The following UPP2 variants were observed in gnomAD, a reference collection of about 807,000 sequenced individuals.
The protein encoded by UPP2 is UPase 2.
A neutral mutation model predicts 26.7 loss-of-function variants in UPP2; 23 were observed. That is an observed-to-expected ratio of 0.86 (90% CI 0.62 to 1.22). The LOEUF (loss-of-function observed/expected upper bound fraction) is 1.22, where lower values mean the gene tolerates loss of function less well. Among genes scored for constraint, UPP2 ranks in the 50% most tolerant of loss-of-function variants. The probability of loss-of-function intolerance (pLI) is 0.00; values close to 1 mark genes in which losing one functional copy is unlikely to be tolerated. For synonymous variants in UPP2, 127 were observed against 141.3 expected (o/e 0.90, Z 0.72); for missense variants, 387 against 396.7 (o/e 0.98, Z 0.21).
intron 2 of UPP2, among the ~76,000 whole-genome samples, chr2:158,108,634 T>G (rs935974826): frequency 1.3e-5 from 2 of 151,622 alleles, no homozygotes; most frequent in Admixed American, 1.3e-4. Context: ...CACACACACA[T>G]AGTTGTCTCA....
chr2:158,112,849 G>A (rs1683348373), intron 2 of UPP2, among the ~76,000 whole-genome samples: 1 of 152,072 alleles, frequency 6.6e-6, no homozygotes, highest in African/African-American at 2.4e-5. Flanking sequence ...TTTTTTTCTG[G>A]CAATCATTAG....
At position 158,106,115 on chromosome 2, in the gene UPP2, G is replaced by T; in HGVS notation, c.79G>T (p.Val27Phe). The T allele has an allele frequency of 2.5e-6, 4 of 1,594,726 alleles. No individual in the cohort carries two copies. Among genetic ancestry groups the T allele is most frequent in the African/African-American group, 1.4e-5 (1 of 73,804 alleles). The change falls in exon 2 of 7, where the codon GTT becomes TTT. Residue 27 changes from valine to phenylalanine, a missense_variant. By Grantham distance (50) the Val-to-Phe change is conservative. Transcript: ENST00000005756. ...NTYVGKRFVH[V>F]KNPYLDLMDE... ...TTTTTCCAGAAAAAGGTTTGTTCAC[G>T]TTAAAAATCCTTACTTGGATTTGAT...
At chr2:158,088,623 A>C (rs1398428726) in intron 3 of UPP2, among the ~76,000 whole-genome samples, 1 of 152,192 alleles carries the variant, frequency 6.6e-6, no homozygotes, top group Non-Finnish European at 1.5e-5. Context: ...GTCAGAGGGA[A>C]GATCTTGGGC....
intron 3 of UPP2, among the ~76,000 whole-genome samples, chr2:158,062,591 G>T (rs865887604): frequency 6.6e-6 from 1 of 152,252 alleles, no homozygotes; most frequent in Middle Eastern, 3.4e-3. Flanking sequence ...CTACCCCAAT[G>T]TTTGACCCAA....
intron 2 of UPP2, among the ~76,000 whole-genome samples, chr2:158,110,960 C>T (rs1319649556): frequency 6.6e-6 from 1 of 152,150 alleles, no homozygotes; most frequent in African/African-American, 2.4e-5. Context: ...CTGAGGTTGC[C>T]TGTTCACTCT....
chr2:158,004,739 G>T (rs1242776460), intron 2 of UPP2, among the ~76,000 whole-genome samples: 1 of 152,098 alleles, frequency 6.6e-6, no homozygotes, highest in Non-Finnish European at 1.5e-5. Flanking sequence ...ATGCAATTTG[G>T]TAACTTTTTT....
intron 3 of UPP2, among the ~76,000 whole-genome samples, chr2:158,081,071 C>T (rs1400867856): frequency 3.9e-5 from 6 of 152,108 alleles, no homozygotes; most frequent in Non-Finnish European, 1.5e-5. Flanking sequence ...AAATGACTTA[C>T]AGACATAAGA....
chr2:158,094,695 T>C (rs1008829259), intron 3 of UPP2, among the ~76,000 whole-genome samples: 1 of 152,200 alleles, frequency 6.6e-6, no homozygotes, highest in Admixed American at 6.5e-5. Flanking sequence ...TTCATGACTT[T>C]GGGGGCCTAG....
At chr2:158,067,102 G>A (rs1682448595) in intron 3 of UPP2, among the ~76,000 whole-genome samples, 1 of 151,902 alleles carries the variant, frequency 6.6e-6, no homozygotes, top group Non-Finnish European at 1.5e-5. Context: ...AAAAGAAGCA[G>A]GTTTCTGCTA....
At chr2:158,003,616 GAGAATCA>G (rs1683442585) in intron 2 of UPP2, among the ~76,000 whole-genome samples, 1 of 151,708 alleles carries the variant, frequency 6.6e-6, no homozygotes, top group Admixed American at 6.6e-5. Context: ...GCTGAGGCAG[GAGAATCA>G]CTTGAACTTG....
intron 6 of UPP2, among the ~76,000 whole-genome samples, chr2:158,129,996 C>T (rs988851768): frequency 6.6e-6 from 1 of 152,080 alleles, no homozygotes; most frequent in Non-Finnish European, 1.5e-5. Context: ...CACTTTGTTG[C>T]TCAGGCTGTC....
At chr2:158,094,369 A>G (rs1682956273) in intron 3 of UPP2, among the ~76,000 whole-genome samples, 1 of 152,200 alleles carries the variant, frequency 6.6e-6, no homozygotes, top group East Asian at 1.9e-4. Flanking sequence ...TAACTATAGT[A>G]ACTAACATGA....
chr2:158,131,171 G>C (rs1420998354), intron 6 of UPP2, among the ~76,000 whole-genome samples: 1 of 152,162 alleles, frequency 6.6e-6, no homozygotes, highest in Non-Finnish European at 1.5e-5. Context: ...ATGGGGGAGG[G>C]TATGAACATA....
At chr2:158,015,965 C>A (rs575442887) in intron 3 of UPP2, 5 of 334,602 alleles carry the variant, frequency 1.5e-5, no homozygotes. Flanking sequence ...AAAGGACTAA[C>A]GCATATACCC....
chr2:158,049,620 G>A (rs544402338), intron 3 of UPP2, among the ~76,000 whole-genome samples: 36 of 152,174 alleles, frequency 2.4e-4, no homozygotes, highest in African/African-American at 8.4e-4. Context: ...AATCATAGTC[G>A]GGGAGAACAG....
chr2:158,003,271 G>T (rs1683438109), intron 2 of UPP2, among the ~76,000 whole-genome samples: 1 of 152,188 alleles, frequency 6.6e-6, no homozygotes, highest in Admixed American at 6.6e-5. Context: ...GTCCGATGCA[G>T]AGTGCTGGAG....
At position 158,117,810 on chromosome 2, in the gene UPP2, C is replaced by T; in HGVS notation, c.340-14C>T. The stretch of plus-strand genomic sequence containing the variant: ...TTTGCAAGATGTATGATGACTTTCT[C>T]TTTCTCTCAATAGCACGGCATGGGC... On this transcript the variant is annotated splice_polypyrimidine_tract_variant and intron_variant, in intron 3 of 6. Coordinates refer to ENST00000005756, the MANE Select transcript of UPP2 (RefSeq NM_173355.4). The T allele has an allele frequency of 6.3e-7, 1 of 1,588,282 alleles. No homozygotes were observed. Among genetic ancestry groups the T allele is most frequent in the Non-Finnish European group, 8.6e-7 (1 of 1,156,996 alleles).
chr2:158,019,334 G>T (rs1474700638), intron 3 of UPP2, among the ~76,000 whole-genome samples: 1 of 152,072 alleles, frequency 6.6e-6, no homozygotes, highest in Admixed American at 6.5e-5. Flanking sequence ...GAGAAGAGAG[G>T]ACAAACCTGG....
At chr2:158,029,483 G>A (rs1207789637) in intron 3 of UPP2, among the ~76,000 whole-genome samples, 1 of 152,182 alleles carries the variant, frequency 6.6e-6, no homozygotes, top group Non-Finnish European at 1.5e-5. Flanking sequence ...GAAGCTTACT[G>A]AATGGCCAAT....
Sources: allele counts gnomAD v4.1 joint callset (sites outside exome capture counted in the v4.1 genomes callset), GRCh38; gene constraint gnomAD v4.1.1; transcripts MANE v1.5; gene names NCBI Gene and HGNC (gene_info 2026-07-23, HGNC 2026-07-21).